TBC1D2B: variants seen among roughly 807,000 people sequenced by gnomAD.
The protein encoded by TBC1D2B is TBC1 domain family member 2B, also known as TBC1 domain family, member 2B.
In TBC1D2B, 64 loss-of-function variants were observed where a neutral mutation model predicts 100.8. The ratio of observed to expected loss-of-function variants is 0.64; its 90% confidence interval spans 0.52 to 0.78. The LOEUF (loss-of-function observed/expected upper bound fraction) is 0.78. TBC1D2B is among the 30% of genes least tolerant of loss of function. The pLI, the probability that TBC1D2B is intolerant of heterozygous loss-of-function variation, is 0.00. For synonymous variants in TBC1D2B, 480 were observed against 479.7 expected (o/e 1.00, Z -0.01); for missense variants, 1,052 against 1,218.4 (o/e 0.86, Z 2.03).
chr15:78,013,773 A>G (rs2072298300), intron 8 of TBC1D2B, among the ~76,000 whole-genome samples: 1 of 152,222 alleles, frequency 6.6e-6, no homozygotes, highest in African/African-American at 2.4e-5. Context: ...AGGGATAAGG[A>G]TGTTCACGTC....
At chr15:78,039,763 C>G (rs2073031978) in intron 3 of TBC1D2B, among the ~76,000 whole-genome samples, 1 of 151,504 alleles carries the variant, frequency 6.6e-6, no homozygotes, top group Admixed American at 6.6e-5. Context: ...CACACACACA[C>G]ACACACACAC....
intron 3 of TBC1D2B, among the ~76,000 whole-genome samples, chr15:78,041,912 T>C (rs2073100704): frequency 6.6e-6 from 1 of 152,210 alleles, no homozygotes; most frequent in African/African-American, 2.4e-5. Flanking sequence ...TTCATCATCA[T>C]GCTATCAATC....
chr15:78,026,396 C>G (rs2072670009), intron 4 of TBC1D2B, among the ~76,000 whole-genome samples: 1 of 152,088 alleles, frequency 6.6e-6, no homozygotes, highest in Non-Finnish European at 1.5e-5. Context: ...TCACCCTTGC[C>G]CTCTCTTGCT....
chr15:78,054,594 C>T (rs911424061), intron 1 of TBC1D2B, among the ~76,000 whole-genome samples: 1 of 152,154 alleles, frequency 6.6e-6, no homozygotes, highest in African/African-American at 2.4e-5. Context: ...ATTTAAACTC[C>T]ATCAGCATCT....
At position 77,996,247 on chromosome 15, in the gene TBC1D2B, G is replaced by A. The variant is rs1244212917; in HGVS notation, c.*1913C>T. On this transcript the variant is annotated 3_prime_UTR_variant, in exon 13 of 13. Coordinates refer to ENST00000300584, the MANE Select transcript of TBC1D2B (RefSeq NM_144572.2). ...CAGGTGCATCTCTCAGGGCAAACTG[G>A]ACAACACGAGCCTGTCCCTAAAGGC... The A allele has an allele frequency of 6.6e-6, 1 of 152,014 alleles. No individual in the cohort carries two copies. Among genetic ancestry groups the A allele is most frequent in the African/African-American group, 2.4e-5 (1 of 41,398 alleles). The allele number at this position is 152,014 out of a possible 1,614,324, so 9.4% of individuals were successfully genotyped here.
intron 8 of TBC1D2B, among the ~76,000 whole-genome samples, chr15:78,015,577 A>G (rs2072351641): frequency 6.6e-6 from 1 of 152,354 alleles, no homozygotes; most frequent in African/African-American, 2.4e-5. Flanking sequence ...TGCCCAGCGT[A>G]CTGGTGGAGC....
At chr15:78,067,669 C>G (rs2073680815) in intron 1 of TBC1D2B, among the ~76,000 whole-genome samples, 1 of 152,226 alleles carries the variant, frequency 6.6e-6, no homozygotes, top group South Asian at 2.1e-4. Flanking sequence ...TACAGTAGCA[C>G]TGGCCTAGGA....
intron 3 of TBC1D2B, among the ~76,000 whole-genome samples, chr15:78,033,441 T>C (rs1242235076): frequency 6.6e-6 from 1 of 152,312 alleles, no homozygotes; most frequent in East Asian, 1.9e-4. Context: ...ATATAAAAAT[T>C]TTTAAAACTC....
chr15:78,005,059 C>T lies in TBC1D2B; in HGVS notation c.2389-1569G>A, dbSNP rs56815664. 6.5e-3 allele frequency among the ~76,000 whole-genome samples: 988 copies of T among 152,294 alleles called. 18 individuals are homozygous for T. Among genetic ancestry groups the T allele is most frequent in the African/African-American group, 0.023 (935 of 41,550 alleles). ...TCAGCCTGGAGTATCCAGCTGCAGA[C>T]GTCCAAGAGGGAGGGGCATATCAGC... On this transcript the variant is annotated intron_variant, in intron 10 of 12. Coordinates refer to ENST00000300584, the MANE Select transcript of TBC1D2B (RefSeq NM_144572.2).
At chr15:78,007,546 C>A (rs1027328561) in intron 10 of TBC1D2B, among the ~76,000 whole-genome samples, 1 of 152,148 alleles carries the variant, frequency 6.6e-6, no homozygotes, top group African/African-American at 2.4e-5. Flanking sequence ...GAACAGGAGG[C>A]AATAATGAGG....
intron 6 of TBC1D2B, among the ~76,000 whole-genome samples, chr15:78,018,368 C>A (rs1324416310): frequency 6.6e-6 from 1 of 152,102 alleles, no homozygotes; most frequent in African/African-American, 2.4e-5. Context: ...TGAAGGTTCT[C>A]ATCTTCACTT....
At chr15:77,999,177 C>T in intron 12 of TBC1D2B, 1 of 420,502 alleles carries the variant, frequency 2.4e-6, no homozygotes, top group Non-Finnish European at 4.9e-6. Context: ...TATCCACCAA[C>T]ATGGGCTCAT....
chr15:78,056,473 G>A lies in TBC1D2B; in HGVS notation c.361-2286C>T, dbSNP rs535353552. ...AGGAGATTAGTTCAGGCCAGAGGCC[G>A]TGAGCCCACTTGGGAGATCCATGAA... On this transcript the variant is annotated intron_variant, in intron 1 of 12. Transcript: ENST00000300584. 5.9e-5 allele frequency among the ~76,000 whole-genome samples: 9 copies of A among 152,362 alleles called. No individual in the cohort carries two copies. In the East Asian group the frequency reaches 1.5e-3, roughly 26 times the overall value.
At chr15:77,999,470 G>A in intron 12 of TBC1D2B, 2 of 306,582 alleles carry the variant, frequency 6.5e-6, no homozygotes, top group Non-Finnish European at 1.3e-5. Flanking sequence ...CCCAGTGTGT[G>A]TTCTGGAACA....
intron 1 of TBC1D2B, among the ~76,000 whole-genome samples, chr15:78,055,905 G>A (rs1321669706): frequency 1.3e-5 from 2 of 152,198 alleles, no homozygotes; most frequent in Non-Finnish European, 2.9e-5. Context: ...AGCAGGCGAC[G>A]CGGGGCTGGC....
chr15:78,010,320 C>A (rs1057099709), intron 9 of TBC1D2B, among the ~76,000 whole-genome samples: 3 of 152,018 alleles, frequency 2.0e-5, no homozygotes, highest in African/African-American at 7.2e-5. Flanking sequence ...TGGCTCCAAG[C>A]GGGAATCTGG....
intron 3 of TBC1D2B, among the ~76,000 whole-genome samples, chr15:78,041,109 T>G (rs994394514): frequency 3.9e-5 from 6 of 152,084 alleles, no homozygotes; most frequent in East Asian, 1.9e-4. Flanking sequence ...GGGTTTTAAG[T>G]TTTTTTTCTT....
chr15:78,001,740 C>A lies in TBC1D2B; in HGVS notation c.2575G>T (p.Val859Phe). 1 of 1,604,590 alleles carries A rather than the reference C, an allele frequency of 6.2e-7. No homozygotes were observed. Among genetic ancestry groups the A allele is most frequent in the Non-Finnish European group, 8.5e-7 (1 of 1,175,550 alleles). ...AGTGCCAGAGCAAAACGGAAAATAACCTGTGGAATAAACAGGGAAATCTGT... is the reference window on the plus strand; with the variant it reads ...AGTGCCAGAGCAAAACGGAAAATAAACTGTGGAATAAACAGGGAAATCTGT... ...WDSFLYEGPKVIFRFALALFK... is the reference protein window; with the variant it reads ...WDSFLYEGPKFIFRFALALFK... The change falls in exon 12 of 13, where the codon GTT (valine) becomes TTT (phenylalanine). Residue 859 changes from valine (V) to phenylalanine (F), a missense_variant and splice_region_variant. Around this residue, in one of 4 missense-constraint regions of TBC1D2B, gnomAD observed 373 missense variants for 464.9 expected, o/e 0.80. Coordinates refer to ENST00000300584, the MANE Select transcript of TBC1D2B (RefSeq NM_144572.2).
chr15:78,010,814 G>A (rs1294148807), intron 9 of TBC1D2B, among the ~76,000 whole-genome samples: 2 of 152,160 alleles, frequency 1.3e-5, no homozygotes, highest in Admixed American at 6.5e-5. Flanking sequence ...ACCAAATACT[G>A]TGAAGAAAAA....
Sources: gnomAD v4.1 joint callset for allele counts (sites outside exome capture counted in the v4.1 genomes callset) on GRCh38, gnomAD v4.1.1 for gene constraint, gnomAD v4.1.1 regional missense constraint, MANE v1.5 for transcripts, NCBI Gene and HGNC (gene_info 2026-07-23, HGNC 2026-07-21) for gene names.